Variants in EMC3 observed in about 807,000 individuals in gnomAD.
The protein encoded by EMC3 is ER membrane protein complex subunit 3, also known as 30 kDa protein.
A neutral mutation model predicts 36.6 loss-of-function variants in EMC3; 13 were observed. The observed-to-expected ratio is 0.35, with a 90% CI of 0.23 to 0.56. EMC3 has a LOEUF of 0.56. Ranked by LOEUF, EMC3 falls within the 20% of genes least tolerant of loss-of-function variation. The pLI, the probability that EMC3 is intolerant of heterozygous loss-of-function variation, is 0.84. For synonymous variants in EMC3, 120 were observed against 111.9 expected (o/e 1.07, Z -0.46); for missense variants, 220 against 324.5 (o/e 0.68, Z 2.47).
chr3:9,977,933 A>T (rs2085866585), intron 1 of EMC3, among the ~76,000 whole-genome samples: 1 of 152,072 alleles, frequency 6.6e-6, no homozygotes, highest in South Asian at 2.1e-4. Flanking sequence ...ACTGTTAGAA[A>T]GCTCTCAGTA....
intron 3 of EMC3, among the ~76,000 whole-genome samples, chr3:9,975,202 G>T (rs1240809515): frequency 6.6e-6 from 1 of 152,012 alleles, no homozygotes; most frequent in Admixed American, 6.6e-5. Flanking sequence ...TCCATGGTGT[G>T]GTCACACCAA....
At chr3:10,006,838 A>G in intron 1 of EMC3, 1 of 425,918 alleles carries the variant, frequency 2.3e-6, no homozygotes, top group Non-Finnish European at 4.6e-6. Context: ...GAGGTCCAAG[A>G]ACATTGAAAC....
chr3:9,992,952 A>T (rs2086072530), intron 1 of EMC3: 2 of 1,610,972 alleles, frequency 1.2e-6, no homozygotes, highest in Admixed American at 3.3e-5. Context: ...AAGAAATAAG[A>T]TTCGATCAGG....
At chr3:9,970,113 T>C (rs965078512) in intron 6 of EMC3, among the ~76,000 whole-genome samples, 2 of 152,172 alleles carry the variant, frequency 1.3e-5, no homozygotes, top group African/African-American at 4.8e-5. Context: ...TTTTTCCTCA[T>C]CTGTTCCTAA....
At chr3:9,981,833 A>T in intron 1 of EMC3, 1 of 387,498 alleles carries the variant, frequency 2.6e-6, no homozygotes, top group South Asian at 1.9e-5. Context: ...CCAAAATGTC[A>T]GTAGTATATT....
intron 7 of EMC3, chr3:9,969,458 T>A (rs554222190): frequency 4.4e-6 from 6 of 1,349,054 alleles, no homozygotes; most frequent in Non-Finnish European, 5.7e-6. Flanking sequence ...GCACCTCCGA[T>A]TGGATTATTT....
rs764599158 is a variant in EMC3 at position 9,998,089 on chromosome 3, G to A, written c.-241-11187C>T. ...CTTTCTTAAAAAATGTTTTATGGCC[G>A]GGCGCAGTGGCTCACACCTGTAATC... On this transcript the variant is annotated intron_variant, in intron 1 of 8. Coordinates refer to the EMC3 transcript ENST00000470827. Among the ~76,000 whole-genome samples the A allele has an allele frequency of 9.9e-5, 15 of 151,840 alleles. 1 individual carries two copies. The highest frequency in any genetic ancestry group is 9.9e-4 in the Admixed American group (15 of 15,228).
chr3:10,002,818 A>G (rs1329228343), intron 1 of EMC3: 9 of 456,386 alleles, frequency 2.0e-5, no homozygotes, highest in South Asian at 4.6e-5. Context: ...TTCCCCCTCC[A>G]CGCAGAGCAC....
At chr3:9,994,770 C>T (rs11131197) in intron 1 of EMC3, among the ~76,000 whole-genome samples, 18,625 of 151,972 alleles carry the variant, frequency 0.12, 2,028 homozygotes, top group African/African-American at 0.29. Context: ...CAGGGTTTCA[C>T]CATGTTGGCC....
At chr3:9,999,101 A>G (rs142957075) in intron 1 of EMC3, among the ~76,000 whole-genome samples, 34 of 152,278 alleles carry the variant, frequency 2.2e-4, no homozygotes, top group African/African-American at 7.9e-4. Flanking sequence ...GTTGAGGTAT[A>G]GGAGTTATTT....
upstream of EMC3, among the ~76,000 whole-genome samples, chr3:9,990,860 T>C (rs1238140602): frequency 2.0e-5 from 3 of 151,630 alleles, no homozygotes; most frequent in Non-Finnish European, 4.4e-5. Flanking sequence ...AGACGGAGTC[T>C]CGCTGTCGCC....
intron 1 of EMC3, chr3:10,007,241 G>A: frequency 8.9e-7 from 1 of 1,125,052 alleles, no homozygotes. Flanking sequence ...CAGGTGCAGG[G>A]TAGAGTCCCA....
intron 5 of EMC3, among the ~76,000 whole-genome samples, chr3:9,972,617 A>G (rs1022220337): frequency 2.6e-5 from 4 of 151,858 alleles, no homozygotes; most frequent in Non-Finnish European, 5.9e-5. Context: ...TGAAAAATAA[A>G]AAAATTACCC....
At chr3:10,008,613 C>G in intron 1 of EMC3, 2 of 437,652 alleles carry the variant, frequency 4.6e-6, no homozygotes, top group South Asian at 3.7e-5. Context: ...GGTGAGGAAA[C>G]TGAGGCTGAA....
intron 1 of EMC3, among the ~76,000 whole-genome samples, chr3:9,991,970 C>A (rs1422221476): frequency 1.3e-5 from 2 of 152,198 alleles, no homozygotes; most frequent in African/African-American, 4.8e-5. Context: ...AATGCAGCCG[C>A]TAATCTGACA....
At chr3:9,986,952 A>G (rs2085982289), upstream of EMC3, 1 of 1,175,350 alleles carries the variant, frequency 8.5e-7, no homozygotes, top group Non-Finnish European at 1.1e-6. Flanking sequence ...TCGGTGGCTC[A>G]CTCCTGGAAT....
chr3:9,974,531 T>C (rs2124906777), intron 3 of EMC3, 43 bp from the exon 4 acceptor site: 2 of 1,322,150 alleles, frequency 1.5e-6, no homozygotes, highest in Admixed American at 1.7e-5. Context: ...GTTTTACCTC[T>C]GTTGCCAGGG....
At chr3:9,999,736 TGAGTTA>T (rs1157358689) in intron 1 of EMC3, among the ~76,000 whole-genome samples, 1 of 152,222 alleles carries the variant, frequency 6.6e-6, no homozygotes, top group African/African-American at 2.4e-5. Context: ...TAACTTAGTT[TGAGTTA>T]GAGTGTAAAG....
rs2085777345 is a variant in EMC3, at chr3:9,970,782, A to G, written c.495-121T>C. The G allele has an allele frequency of 4.8e-6, 4 of 834,620 alleles. No homozygotes were observed. In the Admixed American group the frequency reaches 6.4e-5, roughly 13 times the overall value. 51.7% of individuals were successfully genotyped at this position (834,620 alleles called of 1,614,324 possible). A position where few individuals can be genotyped will look rare whatever the true frequency, so the allele number is the denominator to read the frequency against. The stretch of plus-strand genomic sequence containing the variant: ...AAAGAAGTCACCTTGGATGGGCTAT[A>G]TTCATCCAAAGCACAACCACAGAAG... On this transcript the variant is annotated intron_variant, in intron 5 of 7. Transcript: ENST00000245046.
Sources: gnomAD v4.1 joint callset for allele counts (sites outside exome capture counted in the v4.1 genomes callset) on GRCh38, gnomAD v4.1.1 for gene constraint, MANE v1.5 for transcripts, NCBI Gene and HGNC (gene_info 2026-07-23, HGNC 2026-07-21) for gene names.